Variants in TTLL9 observed in about 807,000 individuals in gnomAD.
The protein encoded by TTLL9 is tubulin tyrosine ligase like 9.
In TTLL9, 47 loss-of-function variants were observed where a neutral mutation model predicts 65.6. That is an observed-to-expected ratio of 0.72 (90% confidence interval 0.57 to 0.91). TTLL9 has a LOEUF of 0.91. Ranked by LOEUF, TTLL9 falls within the 40% of genes least tolerant of loss-of-function variation. The pLI is 0.00. For missense variants in TTLL9, 537 were observed against 568.8 expected (o/e 0.94, Z 0.57); for synonymous variants, 179 against 204.8 (o/e 0.87, Z 1.07).
intron 3 of TTLL9, among the ~76,000 whole-genome samples, chr20:31,897,354 C>T (rs557301493): frequency 1.2e-4 from 18 of 152,270 alleles, no homozygotes; most frequent in African/African-American, 3.8e-4. Context: ...GTGATACCTG[C>T]GGGCTCCATA....
At chr20:31,872,463 G>A (rs2062950715) in intron 2 of TTLL9, among the ~76,000 whole-genome samples, 1 of 151,614 alleles carries the variant, frequency 6.6e-6, no homozygotes, top group Non-Finnish European at 1.5e-5. Context: ...GACTGTGTGA[G>A]CCCAGGAGTT....
At chr20:31,909,146 T>C (rs997555145) in intron 5 of TTLL9, among the ~76,000 whole-genome samples, 3 of 143,100 alleles carry the variant, frequency 2.1e-5, no homozygotes, top group Admixed American at 2.1e-4. Flanking sequence ...TTTTTTTTTT[T>C]TTTTTTGAGA....
intron 2 of TTLL9, among the ~76,000 whole-genome samples, chr20:31,872,717 A>G (rs1293614925): frequency 1.3e-5 from 2 of 152,112 alleles, no homozygotes; most frequent in African/African-American, 4.8e-5. Flanking sequence ...ACACACACGA[A>G]AAAGAAAAAG....
Position 31,922,992 on chromosome 20 carries a change from T to C in TTLL9, c.603T>C (p.Asp201=), listed in dbSNP as rs1489656570. The C allele has an allele frequency of 6.2e-7, 1 of 1,613,422 alleles. No individual in the cohort carries two copies. The highest frequency in any genetic ancestry group is 2.2e-5 in the East Asian group (1 of 44,884). Residue 201 remains aspartate, a synonymous_variant, in exon 8 of 15, where the codon GAT becomes GAC. Transcript: ENST00000535842. ...CAAGAAGCTCTGACGACCAGAAAGA[T>C]GATATTCCCGTGGAGAACTATGTGG... ...KDTRSSDDQK[D]DIPVENYVAQ...
At chr20:31,894,750 TACAC>T (rs10582769) in intron 3 of TTLL9, among the ~76,000 whole-genome samples, 12,888 of 151,522 alleles carry the variant, frequency 0.085, 704 homozygotes, top group African/African-American at 0.15. Context: ...CACACATACG[TACAC>T]ACACTTTATA....
chr20:31,895,287 TA>T (rs2063366223), intron 3 of TTLL9, among the ~76,000 whole-genome samples: 1 of 152,200 alleles, frequency 6.6e-6, no homozygotes, highest in African/African-American at 2.4e-5. Flanking sequence ...TGAGTGTCAG[TA>T]GTTGCTAGGT....
chr20:31,938,858 CAGAG>C (rs1440583920), intron 13 of TTLL9, among the ~76,000 whole-genome samples: 6 of 152,024 alleles, frequency 3.9e-5, no homozygotes, highest in Admixed American at 6.5e-5. Flanking sequence ...GCCTGGGTGA[CAGAG>C]AGAGACTCTG....
intron 4 of TTLL9, among the ~76,000 whole-genome samples, chr20:31,907,177 T>C (rs2063570538): frequency 6.6e-6 from 1 of 152,176 alleles, no homozygotes; most frequent in Non-Finnish European, 1.5e-5. Flanking sequence ...GCTCTGCCAC[T>C]TACTAACTGC....
rs550051582 is a variant in TTLL9, at chr20:31,905,772, G to A, written c.207-2819G>A. Among the ~76,000 whole-genome samples the A allele has an allele frequency of 3.9e-5, 6 of 152,180 alleles. No homozygotes were observed. In the East Asian group the frequency reaches 9.7e-4, roughly 25 times the overall value. On this transcript the variant is annotated intron_variant, in intron 4 of 14. Coordinates refer to ENST00000535842, the MANE Select transcript of TTLL9 (RefSeq NM_001008409.5). ...TTCCAGGCCGGGCGCGGTGGCTCAC[G>A]CCTATAATCCCAGCGCTTTGGGAGG...
At chr20:31,925,114 G>A (rs897539030) in intron 9 of TTLL9, 65 bp downstream of exon 9, 14 of 1,550,278 alleles carry the variant, frequency 9.0e-6, no homozygotes, top group Non-Finnish European at 1.2e-5. Context: ...TAGGGAGATG[G>A]GGGGAAGAGG....
rs1354456574 is a variant in TTLL9, at chr20:31,943,809, C to G, written c.*788C>G. 4.4e-6 allele frequency: 2 copies of G among 456,542 alleles called. No homozygotes were observed. Among genetic ancestry groups the G allele is most frequent in the Middle Eastern group, 3.2e-4 (1 of 3,096 alleles). 28.3% of individuals were successfully genotyped at this position (456,542 alleles called of 1,614,324 possible). On this transcript the variant is annotated 3_prime_UTR_variant, in exon 15 of 15. Coordinates refer to ENST00000535842, the MANE Select transcript of TTLL9 (RefSeq NM_001008409.5). ...GGAGCTGAGCCAGAAACCGGAAAACCCTGGGCTCATGGGCAGGACAGCTTC... is the reference window on the plus strand; with the variant it reads ...GGAGCTGAGCCAGAAACCGGAAAACGCTGGGCTCATGGGCAGGACAGCTTC...
At chr20:31,938,267 T>G (rs2064151698) in intron 13 of TTLL9, 3 of 455,426 alleles carry the variant, frequency 6.6e-6, no homozygotes, top group Non-Finnish European at 1.3e-5. Flanking sequence ...TGACCAGGTA[T>G]AGTTCTTGTG....
At chr20:31,880,206 G>A (rs1200518219) in intron 2 of TTLL9, among the ~76,000 whole-genome samples, 2 of 152,132 alleles carry the variant, frequency 1.3e-5, no homozygotes, top group African/African-American at 4.8e-5. Context: ...GTGACCCCAG[G>A]GGAAGTTGAA....
intron 10 of TTLL9, among the ~76,000 whole-genome samples, 177 bp downstream of exon 10, chr20:31,926,268 G>A (rs1021977903): frequency 6.6e-6 from 1 of 152,176 alleles, no homozygotes; most frequent in Non-Finnish European, 1.5e-5. Flanking sequence ...GACAGTTTTA[G>A]CCCCTTTGGA....
chr20:31,929,805 G>T (rs1457933160), intron 10 of TTLL9, among the ~76,000 whole-genome samples: 1 of 152,146 alleles, frequency 6.6e-6, no homozygotes, highest in Middle Eastern at 3.2e-3. Context: ...AGCCCATCTG[G>T]CCAGATTGCT....
Position 31,898,487 on chromosome 20 carries a change from C to T in TTLL9, c.128C>T (p.Ser43Leu), listed in dbSNP as rs753929489. 13 of 1,614,036 alleles carry T rather than the reference C, an allele frequency of 8.1e-6. No individual in the cohort carries two copies. Among genetic ancestry groups the T allele is most frequent in the South Asian group, 2.2e-5 (2 of 91,082 alleles). ...TTGTCTTGCAGAGAGCAGAGAGCAT[C>T]GATCCGGTTCAAGACCACCCTCATG... ...SKGKEREQRA[S>L]IRFKTTLMNT... The change falls in exon 4 of 15, where the codon TCG (serine) becomes TTG (leucine). Residue 43 changes from serine (S) to leucine (L), a missense_variant. Transcript: ENST00000535842.
In TTLL9 at chr20:31,909,895, C is replaced by T; in HGVS notation, c.477C>T (p.Asn159=). The change falls in exon 6 of 15, where the codon AAC becomes AAT. Residue 159 remains asparagine (N), a synonymous_variant. Coordinates refer to ENST00000535842, the MANE Select transcript of TTLL9 (RefSeq NM_001008409.5). Reference sequence around the variant, plus strand: ...TGTTTGTAGAGGAGTTTCGCAAAAACCCAGGAATCACCTGGATCATGAAGC... The same window carrying T: ...TGTTTGTAGAGGAGTTTCGCAAAAATCCAGGAATCACCTGGATCATGAAGC... ...YHLFVEEFRK[N]PGITWIMKPV... 1 of 1,614,074 alleles carries T rather than the reference C, an allele frequency of 6.2e-7. No individual in the cohort carries two copies. Among genetic ancestry groups the T allele is most frequent in the Non-Finnish European group, 8.5e-7 (1 of 1,179,998 alleles).
intron 13 of TTLL9, chr20:31,938,253 T>C: frequency 2.2e-6 from 1 of 456,598 alleles, no homozygotes; most frequent in South Asian, 1.6e-5. Context: ...ACTGTGACTC[T>C]GCTTGACCAG....
intron 10 of TTLL9, among the ~76,000 whole-genome samples, chr20:31,932,731 C>T (rs1034737315): frequency 1.3e-5 from 2 of 152,082 alleles, no homozygotes; most frequent in Non-Finnish European, 2.9e-5. Context: ...GGTGTGGTGG[C>T]TCACACCTGT....
Sources: gnomAD v4.1 joint callset for allele counts (sites outside exome capture counted in the v4.1 genomes callset) on GRCh38, gnomAD v4.1.1 for gene constraint, MANE v1.5 for transcripts, NCBI Gene and HGNC (gene_info 2026-07-23, HGNC 2026-07-21) for gene names.